Variants in P2RY2 observed in about 807,000 individuals in gnomAD.
The protein encoded by P2RY2 is purinergic receptor P2Y2, also known as P2Y purinoceptor 2.
For missense variants in P2RY2, 567 were observed against 515.7 expected, an observed-to-expected ratio of 1.10 and a Z score of -0.96; for synonymous variants, 241 against 231.9, an observed-to-expected ratio of 1.04 and a Z score of -0.35.
intron 2 of P2RY2, among the ~76,000 whole-genome samples, chr11:73,232,016 C>CTCCA (rs1362112743): frequency 1.3e-5 from 2 of 152,152 alleles, no homozygotes; most frequent in South Asian, 4.1e-4. Flanking sequence ...GGCCATTGTA[C>CTCCA]TCCAGCCTTG....
In P2RY2 at chr11:73,234,680, C is replaced by T; in HGVS notation, c.521C>T (p.Thr174Ile). The T allele has an allele frequency of 6.3e-7, 1 of 1,598,354 alleles. No individual in the cohort carries two copies. The highest frequency in any genetic ancestry group is 8.5e-7 in the Non-Finnish European group (1 of 1,173,070). Residue 174 changes from threonine (T) to isoleucine (I), a missense_variant, in exon 3 of 3, where the codon ACC (threonine) becomes ATC (isoleucine). Thr to Ile is a moderately conservative substitution (Grantham distance 89). Transcript: ENST00000393597. ...CQAPVLYFVT[T>I]SARGGRVTCH... Reference sequence around the variant, plus strand: ...GCCCCCGTGCTCTACTTTGTCACCACCAGCGCGCGCGGGGGCCGCGTAACC... The same window carrying T: ...GCCCCCGTGCTCTACTTTGTCACCATCAGCGCGCGCGGGGGCCGCGTAACC...
intron 1 of P2RY2, among the ~76,000 whole-genome samples, chr11:73,227,417 CT>C (rs1387775955): frequency 2.6e-5 from 4 of 151,936 alleles, no homozygotes; most frequent in African/African-American, 9.7e-5. Flanking sequence ...CTGCATGCCT[CT>C]GTGTATCCGT....
In P2RY2 at chr11:73,236,812, G is replaced by A; in HGVS notation, c.*1519G>A. 1 of 985,426 alleles carries A rather than the reference G, an allele frequency of 1.0e-6. No individual in the cohort carries two copies. Among genetic ancestry groups the A allele is most frequent in the Non-Finnish European group, 1.2e-6 (1 of 829,918 alleles). 61.0% of individuals were successfully genotyped at this position (985,426 alleles called of 1,614,324 possible). Reference sequence around the variant, plus strand: ...TCAGGACTTAGTATGGGGGAGATGGGTCTCACCTATGATAGGTTCTGAGTC... The same window carrying A: ...TCAGGACTTAGTATGGGGGAGATGGATCTCACCTATGATAGGTTCTGAGTC... On this transcript the variant is annotated 3_prime_UTR_variant, in exon 3 of 3. Transcript: ENST00000393597.
In P2RY2 at chr11:73,239,362, C is replaced by T. The variant is rs1272374321; in HGVS notation, c.*4069C>T. On this transcript the variant is annotated 3_prime_UTR_variant, in exon 3 of 3. Transcript: ENST00000393597. ...CTTGGCAGTAGGTGGATTTCAGGAC[C>T]ATGGGCCTGTGCTGTTTACAGAACC... 2 of 152,312 alleles carry T rather than the reference C, an allele frequency of 1.3e-5. No homozygotes were observed. Among genetic ancestry groups the T allele is most frequent in the Non-Finnish European group, 2.9e-5 (2 of 68,106 alleles). The allele number at this position is 152,312 out of a possible 1,614,324, so 9.4% of individuals were successfully genotyped here. A position where few individuals can be genotyped will look rare whatever the true frequency, so the allele number is the denominator to read the frequency against.
At position 73,241,803 on chromosome 11, in the gene P2RY2, T is replaced by C. The variant is rs1862780086; in HGVS notation, c.*6510T>C. Reference sequence around the variant, plus strand: ...CTGACCTTGCTTCCTGGGCCATCAGTGCCCCCTGCACAGAACTCTCCAAAC... The same window carrying C: ...CTGACCTTGCTTCCTGGGCCATCAGCGCCCCCTGCACAGAACTCTCCAAAC... On this transcript the variant is annotated 3_prime_UTR_variant, in exon 3 of 3. Coordinates refer to ENST00000393597, the MANE Select transcript of P2RY2 (RefSeq NM_002564.4). 6.6e-6 allele frequency: 1 copy of C among 152,412 alleles called. No individual in the cohort carries two copies. Among genetic ancestry groups the C allele is most frequent in the Admixed American group, 6.5e-5 (1 of 15,272 alleles). 9.4% of individuals were successfully genotyped at this position (152,412 alleles called of 1,614,324 possible).
chr11:73,227,823 G>A (rs930142496), intron 1 of P2RY2, among the ~76,000 whole-genome samples, 158 bp from the exon 2 acceptor site: 10 of 152,066 alleles, frequency 6.6e-5, no homozygotes, highest in African/African-American at 2.4e-4. Flanking sequence ...CTGGGGTTTG[G>A]GTGTACAGAA....
chr11:73,219,355 A>AGACT (rs1356719734), intron 1 of P2RY2, among the ~76,000 whole-genome samples: 1 of 152,240 alleles, frequency 6.6e-6, no homozygotes, highest in Admixed American at 6.5e-5. Flanking sequence ...AGAGCTCTGG[A>AGACT]GACTCAGAGA....
Position 73,235,609 on chromosome 11 carries a change from G to A in P2RY2, c.*316G>A, listed in dbSNP as rs185386539. 1 of 1,089,326 alleles carries A rather than the reference G, an allele frequency of 9.2e-7. No homozygotes were observed. The highest frequency in any genetic ancestry group is 1.1e-6 in the Non-Finnish European group (1 of 888,986). The allele number at this position is 1,089,326 out of a possible 1,614,324, so 67.5% of individuals were successfully genotyped here. Reference sequence around the variant, plus strand: ...CTGTACTGCCAAGGTACCTAGGTTGGAGTCCAGCCTAATCAAGTCAAATGG... The same window carrying A: ...CTGTACTGCCAAGGTACCTAGGTTGAAGTCCAGCCTAATCAAGTCAAATGG... On this transcript the variant is annotated 3_prime_UTR_variant, in exon 3 of 3. Transcript: ENST00000393597.
In P2RY2 at chr11:73,235,258, G is replaced by A; in HGVS notation, c.1099G>A (p.Ala367Thr). ...CTCTAGGCGGACAGAGTCCACGCCG[G>A]CTGGTAGCGAGAACACTAAGGACAT... ...EDSRRTESTP[A>T]GSENTKDIRL The change falls in exon 3 of 3, where the codon GCT (alanine) becomes ACT (threonine). Residue 367 changes from alanine to threonine, a missense_variant. Physicochemically the swap from Ala to Thr is moderately conservative, Grantham distance 58. Coordinates refer to ENST00000393597, the MANE Select transcript of P2RY2 (RefSeq NM_002564.4). 2 of 1,585,248 alleles carry A rather than the reference G, an allele frequency of 1.3e-6. No individual in the cohort carries two copies. Among genetic ancestry groups the A allele is most frequent in the Non-Finnish European group, 1.7e-6 (2 of 1,166,260 alleles).
rs1262934153 is a variant in P2RY2 at position 73,240,375 on chromosome 11, A to T, written c.*5082A>T. On this transcript the variant is annotated 3_prime_UTR_variant, in exon 3 of 3. Coordinates refer to ENST00000393597, the MANE Select transcript of P2RY2 (RefSeq NM_002564.4). ...GCGGGGGACCTGCCTGCCCCAAAAT[A>T]TCTCCTGCCCCTAGTTTCCAAGCCT... 1 of 153,156 alleles carries T rather than the reference A, an allele frequency of 6.5e-6. No homozygotes were observed. Among genetic ancestry groups the T allele is most frequent in the Non-Finnish European group, 1.5e-5 (1 of 68,916 alleles). 9.5% of individuals were successfully genotyped at this position (153,156 alleles called of 1,614,324 possible). A position where few individuals can be genotyped will look rare whatever the true frequency, so the allele number is the denominator to read the frequency against.
chr11:73,228,092 G>A lies in P2RY2; in HGVS notation c.-88G>A, dbSNP rs985804689. 3 of 151,814 alleles carry A rather than the reference G, an allele frequency of 2.0e-5. No homozygotes were observed. The highest frequency in any genetic ancestry group is 7.3e-5 in the African/African-American group (3 of 41,252). 9.4% of individuals were successfully genotyped at this position (151,814 alleles called of 1,614,324 possible). A position where few individuals can be genotyped will look rare whatever the true frequency, so the allele number is the denominator to read the frequency against. ...TTCCCGCAGAGTTCCCTGCAGCCCGGTCCAGGTCCAGGCGTGTGCATTCAT... is the reference window on the plus strand; with the variant it reads ...TTCCCGCAGAGTTCCCTGCAGCCCGATCCAGGTCCAGGCGTGTGCATTCAT... On this transcript the variant is annotated 5_prime_UTR_variant, in exon 2 of 3. Coordinates refer to ENST00000393597, the MANE Select transcript of P2RY2 (RefSeq NM_002564.4).
intron 1 of P2RY2, among the ~76,000 whole-genome samples, chr11:73,227,752 C>T (rs534765695): frequency 6.6e-6 from 1 of 152,248 alleles, no homozygotes; most frequent in Non-Finnish European, 1.5e-5. Flanking sequence ...CAGGGCCACC[C>T]CTCTGTGAAA....
intron 1 of P2RY2, among the ~76,000 whole-genome samples, chr11:73,218,966 C>T (rs1862043962): frequency 6.6e-6 from 1 of 152,156 alleles, no homozygotes; most frequent in Non-Finnish European, 1.5e-5. Context: ...CCAGAAAGGA[C>T]AGTTAAGCCT....
At position 73,237,109 on chromosome 11, in the gene P2RY2, A is replaced by G. The variant is rs1461806091; in HGVS notation, c.*1816A>G. 1.0e-6 allele frequency: 1 copy of G among 985,268 alleles called. No homozygotes were observed. Among genetic ancestry groups the G allele is most frequent in the Non-Finnish European group, 1.2e-6 (1 of 829,910 alleles). 61.0% of individuals were successfully genotyped at this position (985,268 alleles called of 1,614,324 possible). ...TGACTCCACAGCGCCCTCATGTGAC[A>G]GAGACCCATCACAGACCATGACCCA... is the stretch of plus-strand genomic sequence containing the variant. On this transcript the variant is annotated 3_prime_UTR_variant, in exon 3 of 3. Coordinates refer to ENST00000393597, the MANE Select transcript of P2RY2 (RefSeq NM_002564.4).
intron 1 of P2RY2, among the ~76,000 whole-genome samples, chr11:73,225,128 C>G (rs1418571149): frequency 1.3e-5 from 2 of 152,222 alleles, no homozygotes; most frequent in Non-Finnish European, 2.9e-5. Flanking sequence ...ACAGCACATT[C>G]TCCCCTACCA....
At chr11:73,220,640 G>T (rs950356976) in intron 1 of P2RY2, among the ~76,000 whole-genome samples, 4 of 152,206 alleles carry the variant, frequency 2.6e-5, no homozygotes, top group Admixed American at 2.0e-4. Context: ...GCATGGGAGA[G>T]TATGTGTGTG....
At chr11:73,230,550 T>C (rs1862421951) in intron 2 of P2RY2, among the ~76,000 whole-genome samples, 1 of 152,080 alleles carries the variant, frequency 6.6e-6, no homozygotes, top group Admixed American at 6.6e-5. Context: ...GAGATTCTAG[T>C]AATTGTCCCA....
Position 73,239,943 on chromosome 11 carries a change from GA to G in P2RY2, c.*4651del, listed in dbSNP as rs1384114801. ...TGGAGGGTGGGGCTTGGCCAGGAGT[GA>G]CCAGACTACAGAGTGAGGGGTGTGC... On this transcript the variant is annotated 3_prime_UTR_variant, in exon 3 of 3. Coordinates refer to ENST00000393597, the MANE Select transcript of P2RY2 (RefSeq NM_002564.4). The G allele has an allele frequency of 1.3e-5, 2 of 152,624 alleles. No homozygotes were observed. Among genetic ancestry groups the G allele is most frequent in the African/African-American group, 4.8e-5 (2 of 41,458 alleles). The allele number at this position is 152,624 out of a possible 1,614,324, so 9.5% of individuals were successfully genotyped here. A position where few individuals can be genotyped will look rare whatever the true frequency, so the allele number is the denominator to read the frequency against.
In P2RY2 at chr11:73,235,205, TAGA is replaced by T. The variant is rs375404183; in HGVS notation, c.1050_1052del (p.Glu350del). The T allele has an allele frequency of 1.7e-4, 273 of 1,612,302 alleles. 1 individual carries two copies. The East Asian group carries it at 3.0e-3, about 18-fold the overall frequency. On this transcript the variant is annotated inframe_deletion, in exon 3 of 3. Coordinates refer to ENST00000393597, the MANE Select transcript of P2RY2 (RefSeq NM_002564.4). ...TCCGACAGAACTGACATGCAGAGGATAGAAGATGTGTTGGGCAGCAGTGAGGAC... is the reference window on the plus strand; with the variant it reads ...TCCGACAGAACTGACATGCAGAGGATAGATGTGTTGGGCAGCAGTGAGGAC...
Sources: allele counts gnomAD v4.1 joint callset (sites outside exome capture counted in the v4.1 genomes callset), GRCh38; gene constraint gnomAD v4.1.1; transcripts MANE v1.5; gene names NCBI Gene and HGNC (gene_info 2026-07-23, HGNC 2026-07-21).